The following RMDN2 variants were observed in gnomAD, a reference collection of about 807,000 sequenced individuals.
RMDN2 encodes regulator of microtubule dynamics 2, also known as regulator of microtubule dynamics protein 2.
In RMDN2, 61 loss-of-function variants were observed where a neutral mutation model predicts 52.8. The ratio of observed to expected loss-of-function variants is 1.16; its 90% CI spans 0.94 to 1.43. The LOEUF (loss-of-function observed/expected upper bound fraction) is 1.43, where lower values mean the gene tolerates loss of function less well. Among genes scored for constraint, RMDN2 ranks in the 40% most tolerant of loss-of-function variants. RMDN2 has a pLI of 0.00. For synonymous variants in RMDN2, 180 were observed against 153.1 expected (o/e 1.18, Z -1.30); for missense variants, 592 against 475.3 (o/e 1.25, Z -2.28).
At chr2:37,950,064 C>T (rs1231161692) in intron 2 of RMDN2, 5 of 170,510 alleles carry the variant, frequency 2.9e-5, no homozygotes, top group Non-Finnish European at 6.3e-5. Flanking sequence ...TTTTTCCCTT[C>T]TCAATGTATC....
chr2:37,981,418 A>G, intron 5 of RMDN2, 75 bp downstream of exon 5: 1 of 933,004 alleles, frequency 1.1e-6, no homozygotes, highest in Non-Finnish European at 1.7e-6. Context: ...TTTTCAAAAT[A>G]CTATTGACTC....
At chr2:37,949,322 T>G (rs1307664482) in intron 2 of RMDN2, among the ~76,000 whole-genome samples, 2 of 152,200 alleles carry the variant, frequency 1.3e-5, no homozygotes, top group Non-Finnish European at 2.9e-5. Flanking sequence ...TTAGCAGATT[T>G]GCTTACTACT....
chr2:37,926,354 ACATTT>A (rs1666275055), intron 1 of RMDN2, among the ~76,000 whole-genome samples: 1 of 152,206 alleles, frequency 6.6e-6, no homozygotes, highest in African/African-American at 2.4e-5. Flanking sequence ...TCTTCAGAAA[ACATTT>A]CATATTCTAT....
At chr2:38,045,848 A>G (rs569989692) in intron 10 of RMDN2, among the ~76,000 whole-genome samples, 2 of 152,356 alleles carry the variant, frequency 1.3e-5, no homozygotes, top group Admixed American at 6.5e-5. Flanking sequence ...GGAACAAAGC[A>G]TGGCAAAGCA....
chr2:37,966,470 G>GA (rs397820306), intron 2 of RMDN2, among the ~76,000 whole-genome samples: 2 of 150,152 alleles, frequency 1.3e-5, no homozygotes, highest in African/African-American at 4.9e-5. Flanking sequence ...CCTAGATTTG[G>GA]CTTTGGCCGT....
intron 2 of RMDN2, chr2:37,952,234 C>T (rs770740196): frequency 1.9e-6 from 3 of 1,603,112 alleles, no homozygotes; most frequent in Middle Eastern, 1.7e-4. Flanking sequence ...CTTAGAAGGG[C>T]ACCTCAAATA....
At chr2:37,931,394 G>A (rs979298742) in intron 2 of RMDN2, among the ~76,000 whole-genome samples, 13 of 152,212 alleles carry the variant, frequency 8.5e-5, no homozygotes, top group African/African-American at 2.9e-4. Context: ...TATCCTACCT[G>A]TATGTAAATC....
intron 5 of RMDN2, among the ~76,000 whole-genome samples, chr2:37,987,750 A>G (rs1417709868): frequency 6.6e-6 from 1 of 152,192 alleles, no homozygotes; most frequent in Non-Finnish European, 1.5e-5. Context: ...ACCACTGTGA[A>G]GTGGGATGTT....
At chr2:38,040,167 A>G (rs987858576) in intron 10 of RMDN2, among the ~76,000 whole-genome samples, 1 of 151,720 alleles carries the variant, frequency 6.6e-6, no homozygotes, top group Non-Finnish European at 1.5e-5. Context: ...TTTGTCAAAG[A>G]TCAGTTGACT....
At chr2:38,066,894 T>G (rs892570783) in intron 10 of RMDN2, 1 of 1,237,888 alleles carries the variant, frequency 8.1e-7, no homozygotes, top group Admixed American at 1.7e-5. Context: ...TAGCCATACC[T>G]TCTGGCTGCT....
downstream of RMDN2, among the ~76,000 whole-genome samples, chr2:38,020,961 A>G (rs937103159): frequency 1.3e-5 from 2 of 152,198 alleles, no homozygotes; most frequent in African/African-American, 4.8e-5. Context: ...GGGTGAAGCC[A>G]TCTGGGCTCC....
At chr2:37,932,895 C>T (rs1332915378) in intron 2 of RMDN2, among the ~76,000 whole-genome samples, 65 of 144,976 alleles carry the variant, frequency 4.5e-4, no homozygotes, top group Non-Finnish European at 6.4e-4. Context: ...CCGGACGGGG[C>T]GGCTGGCCGG....
chr2:37,943,858 G>C (rs1383746207), intron 2 of RMDN2, among the ~76,000 whole-genome samples: 1 of 151,768 alleles, frequency 6.6e-6, no homozygotes, highest in Non-Finnish European at 1.5e-5. Context: ...ATAATTTTTA[G>C]TACACAATAT....
chr2:38,066,570 T>A (rs1682289851), intron 10 of RMDN2, among the ~76,000 whole-genome samples: 2 of 152,210 alleles, frequency 1.3e-5, no homozygotes, highest in Non-Finnish European at 2.9e-5. Flanking sequence ...GTTGCACTGG[T>A]GCAGAAAAAC....
intron 7 of RMDN2, among the ~76,000 whole-genome samples, chr2:37,993,161 A>G (rs1270235129): frequency 6.6e-6 from 1 of 152,062 alleles, no homozygotes. Flanking sequence ...CTGGCCTCAA[A>G]TGATCCACCT....
At chr2:37,940,167 C>T (rs911031351) in intron 2 of RMDN2, among the ~76,000 whole-genome samples, 1 of 152,160 alleles carries the variant, frequency 6.6e-6, no homozygotes, top group Admixed American at 6.6e-5. Context: ...ATATGAAGTT[C>T]TGGGTTGAAA....
At chr2:37,968,702 G>C (rs1250106733) in intron 2 of RMDN2, among the ~76,000 whole-genome samples, 1 of 152,150 alleles carries the variant, frequency 6.6e-6, no homozygotes, top group Non-Finnish European at 1.5e-5. Context: ...AAAATTTAGA[G>C]CAGAAGAAAG....
At chr2:38,004,344 C>T (rs1676768817) in intron 10 of RMDN2, 128 bp downstream of exon 10, 2 of 657,408 alleles carry the variant, frequency 3.0e-6, no homozygotes, top group African/African-American at 1.8e-5. Flanking sequence ...TTTTATTCTA[C>T]CTTTATTGAA....
chr2:37,924,964 G>C (rs1433625099), upstream of RMDN2, among the ~76,000 whole-genome samples: 1 of 152,256 alleles, frequency 6.6e-6, no homozygotes, highest in Non-Finnish European at 1.5e-5. Flanking sequence ...GGTTTAACTA[G>C]GGGAGAGGGA....
Sources: allele counts gnomAD v4.1 joint callset (sites outside exome capture counted in the v4.1 genomes callset), GRCh38; gene constraint gnomAD v4.1.1; transcripts MANE v1.5; gene names NCBI Gene and HGNC (gene_info 2026-07-23, HGNC 2026-07-21).